Variants in RAPGEF6 observed in about 807,000 individuals in gnomAD.
RAPGEF6 encodes PDZ domain containing guanine nucleotide exchange factor (GEF) 2.
In RAPGEF6, 56 loss-of-function variants were observed where a neutral mutation model predicts 171.4. That is an observed-to-expected ratio of 0.33 (90% CI 0.26 to 0.41). The LOEUF (loss-of-function observed/expected upper bound fraction) is 0.41. Among genes scored for constraint, RAPGEF6 ranks in the 10% least tolerant of loss-of-function variants. RAPGEF6 has a pLI of 1.00. For synonymous variants in RAPGEF6, 692 were observed against 650.1 expected (o/e 1.06, Z -0.98); for missense variants, 1,674 against 1,921.4 (o/e 0.87, Z 2.41).
chr5:131,505,564 G>C, intron 9 of RAPGEF6, 42 bp from the exon 10 acceptor site: 1 of 1,536,456 alleles, frequency 6.5e-7, no homozygotes, highest in Non-Finnish European at 8.9e-7. Flanking sequence ...TTTTAAAAAA[G>C]GTAGTTACAT....
chr5:131,606,055 A>AAG (rs1764553340), intron 1 of RAPGEF6, among the ~76,000 whole-genome samples: 6 of 126,546 alleles, frequency 4.7e-5, no homozygotes, highest in African/African-American at 2.6e-4. Flanking sequence ...AAAAAAAAAG[A>AAG]AAAAGAAAAG....
intron 25 of RAPGEF6, among the ~76,000 whole-genome samples, chr5:131,432,962 A>AT (rs948630887): frequency 1.1e-4 from 17 of 148,540 alleles, no homozygotes; most frequent in South Asian, 2.1e-4. Context: ...TTTAGAGTTG[A>AT]TTTTTTTTTT....
At chr5:131,626,391 G>A (rs1259285581) in intron 1 of RAPGEF6, among the ~76,000 whole-genome samples, 8 of 151,956 alleles carry the variant, frequency 5.3e-5, no homozygotes, top group African/African-American at 9.7e-5. Flanking sequence ...CTTTGGGAGC[G>A]ATATCACTTC....
At chr5:131,625,070 T>C (rs1454832714) in intron 1 of RAPGEF6, among the ~76,000 whole-genome samples, 1 of 152,056 alleles carries the variant, frequency 6.6e-6, no homozygotes, top group Non-Finnish European at 1.5e-5. Flanking sequence ...GAGACCAGCC[T>C]GGCCAACATG....
At position 131,635,199 on chromosome 5, in the gene RAPGEF6, T is replaced by TA; in HGVS notation, c.-170dup. The TA allele has an allele frequency of 1.5e-6, 1 of 651,034 alleles. No homozygotes were observed. Among genetic ancestry groups the TA allele is most frequent in the Admixed American group, 3.2e-5 (1 of 30,838 alleles). The allele number at this position is 651,034 out of a possible 1,614,324, so 40.3% of individuals were successfully genotyped here. On this transcript the variant is annotated 5_prime_UTR_variant, in exon 1 of 28. Transcript: ENST00000509018. The stretch of plus-strand genomic sequence containing the variant: ...CTTCGCAACGCCCGCCTAAGGCCTC[T>TA]ACCCACGCGCGACTGGCCGGAGACA...
chr5:131,604,977 T>C (rs936728828), intron 1 of RAPGEF6, among the ~76,000 whole-genome samples: 3 of 152,210 alleles, frequency 2.0e-5, no homozygotes, highest in Non-Finnish European at 4.4e-5. Flanking sequence ...ATTCATTATT[T>C]CACTTCTAAG....
intron 6 of RAPGEF6, among the ~76,000 whole-genome samples, chr5:131,527,770 C>A (rs1400584557): frequency 6.6e-6 from 1 of 152,006 alleles, no homozygotes; most frequent in African/African-American, 2.4e-5. Context: ...AATCCCAGCA[C>A]TTTGGGAGGC....
At chr5:131,478,296 C>T (rs938770082) in intron 16 of RAPGEF6, among the ~76,000 whole-genome samples, 5 of 152,134 alleles carry the variant, frequency 3.3e-5, no homozygotes, top group East Asian at 1.9e-4. Context: ...TGAGAGTTGA[C>T]ACAATTCCAA....
At chr5:131,580,393 C>T (rs993690187) in intron 4 of RAPGEF6, among the ~76,000 whole-genome samples, 9 of 152,144 alleles carry the variant, frequency 5.9e-5, no homozygotes, top group Non-Finnish European at 1.2e-4. Flanking sequence ...TGAGCGCAGC[C>T]CCTGTTCCTG....
chr5:131,474,152 C>A (rs1754938385), intron 16 of RAPGEF6, among the ~76,000 whole-genome samples: 1 of 152,148 alleles, frequency 6.6e-6, no homozygotes, highest in African/African-American at 2.4e-5. Context: ...TAAGAATGGA[C>A]TTACTTTTAC....
intron 3 of RAPGEF6, among the ~76,000 whole-genome samples, chr5:131,594,942 G>A (rs1293537021): frequency 6.6e-6 from 1 of 152,130 alleles, no homozygotes; most frequent in Non-Finnish European, 1.5e-5. Context: ...GCTCATAGGT[G>A]GAAGGGACTT....
chr5:131,472,364 C>T (rs1368517024), intron 17 of RAPGEF6: 3 of 597,782 alleles, frequency 5.0e-6, no homozygotes, highest in Non-Finnish European at 9.0e-6. Flanking sequence ...AGCCACTGCG[C>T]CTGGCCAGAG....
intron 16 of RAPGEF6, among the ~76,000 whole-genome samples, chr5:131,474,578 T>C (rs944353846): frequency 6.6e-6 from 1 of 152,168 alleles, no homozygotes; most frequent in Non-Finnish European, 1.5e-5. Context: ...AGTGCTTTCC[T>C]GGGGAGAGAA....
intron 12 of RAPGEF6, among the ~76,000 whole-genome samples, chr5:131,496,126 G>C (rs1233208998): frequency 1.3e-5 from 2 of 152,136 alleles, no homozygotes; most frequent in Non-Finnish European, 2.9e-5. Context: ...AGGATCCCTT[G>C]AGTCCAGGAG....
At chr5:131,441,839 C>T (rs1752401590) in intron 23 of RAPGEF6, among the ~76,000 whole-genome samples, 1 of 152,180 alleles carries the variant, frequency 6.6e-6, no homozygotes, top group Non-Finnish European at 1.5e-5. Flanking sequence ...AATAGTGATA[C>T]TGTCAAAACA....
At chr5:131,450,873 C>T (rs891998261) in intron 21 of RAPGEF6, among the ~76,000 whole-genome samples, 8 of 152,136 alleles carry the variant, frequency 5.3e-5, no homozygotes, top group Admixed American at 2.6e-4. Flanking sequence ...AAGAAAACAG[C>T]CATGTTTATT....
Position 131,466,413 on chromosome 5 carries a change from A to T in RAPGEF6, c.2240-2132T>A, listed in dbSNP as rs1424665692. On this transcript the variant is annotated intron_variant, in intron 17 of 27. Coordinates refer to ENST00000509018, the MANE Select transcript of RAPGEF6 (RefSeq NM_016340.6). Reference sequence around the variant, plus strand: ...ACAAGACTTAAGGTCAGACTGTTTCAAGATCCATCAAAATCAGACATACTT... The same window carrying T: ...ACAAGACTTAAGGTCAGACTGTTTCTAGATCCATCAAAATCAGACATACTT... 5.9e-5 allele frequency among the ~76,000 whole-genome samples: 9 copies of T among 152,272 alleles called. No homozygotes were observed. In the South Asian group the frequency reaches 1.2e-3, roughly 21 times the overall value.
chr5:131,522,052 A>G (rs1758534048), intron 6 of RAPGEF6, among the ~76,000 whole-genome samples: 1 of 152,154 alleles, frequency 6.6e-6, no homozygotes, highest in South Asian at 2.1e-4. Context: ...AATATTCCAA[A>G]AATTCTGTGA....
chr5:131,594,947 G>T (rs1763806586), intron 3 of RAPGEF6, among the ~76,000 whole-genome samples: 2 of 152,166 alleles, frequency 1.3e-5, no homozygotes, highest in Non-Finnish European at 2.9e-5. Context: ...TAGGTGGAAG[G>T]GACTTCCCAT....
Sources: allele counts gnomAD v4.1 joint callset (sites outside exome capture counted in the v4.1 genomes callset), GRCh38; gene constraint gnomAD v4.1.1; transcripts MANE v1.5; gene names NCBI Gene and HGNC (gene_info 2026-07-23, HGNC 2026-07-21).